Variants in ROS1 observed in about 807,000 individuals in gnomAD.
The protein encoded by ROS1 is proto-oncogene tyrosine-protein kinase ROS.
A neutral mutation model predicts 273.5 loss-of-function variants in ROS1; 263 were observed. The observed-to-expected ratio is 0.96, with a 90% CI of 0.87 to 1.06. The LOEUF is 1.06. Ranked by LOEUF, ROS1 falls within the 50% of genes least tolerant of loss-of-function variation. ROS1 has a pLI of 0.00. For missense variants in ROS1, 2,833 were observed against 2,751.1 expected (o/e 1.03, Z -0.67); for synonymous variants, 1,008 against 954.1 (o/e 1.06, Z -1.04).
At chr6:117,293,864 C>T (rs912254560) in intron 43 of ROS1, among the ~76,000 whole-genome samples, 7 of 152,116 alleles carry the variant, frequency 4.6e-5, no homozygotes, top group Admixed American at 1.3e-4. Context: ...GATAAGAGCA[C>T]GCTAATATCC....
intron 39 of ROS1, among the ~76,000 whole-genome samples, chr6:117,313,242 G>A (rs542059026): frequency 2.2e-4 from 34 of 152,094 alleles, no homozygotes; most frequent in South Asian, 4.2e-4. Flanking sequence ...TGTTTGTTTC[G>A]CTTTTTTCTA....
At chr6:117,314,830 A>G (rs561294293) in intron 39 of ROS1, among the ~76,000 whole-genome samples, 1 of 152,276 alleles carries the variant, frequency 6.6e-6, no homozygotes, top group Admixed American at 6.5e-5. Context: ...CCCCCAGTGG[A>G]AGAGCAGGGT....
At chr6:117,401,286 C>G (rs769080557) in intron 7 of ROS1, among the ~76,000 whole-genome samples, 1 of 152,118 alleles carries the variant, frequency 6.6e-6, no homozygotes, top group Non-Finnish European at 1.5e-5. Flanking sequence ...CATGCATCAG[C>G]CATACTGAAA....
intron 38 of ROS1, 120 bp downstream of exon 38, chr6:117,318,068 C>G: frequency 1.4e-6 from 1 of 728,454 alleles, no homozygotes; most frequent in Non-Finnish European, 2.4e-6. Context: ...TCCATTTAAA[C>G]GTTTCAACCA....
chr6:117,394,720 C>T lies in ROS1; in HGVS notation c.902G>A (p.Trp301Ter). 1 of 1,609,518 alleles carries T rather than the reference C, an allele frequency of 6.2e-7. No individual in the cohort carries two copies. The highest frequency in any genetic ancestry group is 1.1e-5 in the South Asian group (1 of 90,514). The change falls in exon 10 of 44, where the codon TGG becomes TAG. Residue 301 changes from tryptophan to a stop codon, truncating the protein, a stop_gained. Transcript: ENST00000368507. LOFTEE classifies it high-confidence loss of function. ...SSSAVQQEEQ[W>*]LFLSRKTSLR... ...AGAAGTTTTTCTGGATAAAAAGAGC[C>T]ACTGTTCCTCTTGTTGAACTGAAAA...
intron 1 of ROS1, among the ~76,000 whole-genome samples, chr6:117,421,082 A>G (rs1289029966): frequency 2.0e-5 from 3 of 151,374 alleles, no homozygotes; most frequent in Non-Finnish European, 4.4e-5. Flanking sequence ...TAGAAGAAAA[A>G]TTGATAATTT....
At chr6:117,304,660 A>G (rs968644099) in intron 42 of ROS1, among the ~76,000 whole-genome samples, 20 of 152,210 alleles carry the variant, frequency 1.3e-4, no homozygotes, top group Non-Finnish European at 4.4e-5. Flanking sequence ...TCTATGCTGT[A>G]TATGCTACCT....
intron 13 of ROS1, among the ~76,000 whole-genome samples, chr6:117,388,487 C>G (rs1366883455): frequency 6.6e-6 from 1 of 152,174 alleles, no homozygotes; most frequent in Non-Finnish European, 1.5e-5. Context: ...CCAATGTTTT[C>G]TAAATACTTA....
chr6:117,365,463 G>C (rs1427905907), intron 20 of ROS1, 118 bp downstream of exon 20: 5 of 903,388 alleles, frequency 5.5e-6, no homozygotes, highest in African/African-American at 1.7e-5. Flanking sequence ...AAATGCTATG[G>C]GAATGACAAA....
intron 18 of ROS1, among the ~76,000 whole-genome samples, chr6:117,378,634 AGAGATACC>A (rs1346405505): frequency 1.3e-5 from 2 of 152,222 alleles, no homozygotes; most frequent in Non-Finnish European, 2.9e-5. Context: ...TGGAAGATGT[AGAGATACC>A]GACAAGATCA....
intron 43 of ROS1, among the ~76,000 whole-genome samples, chr6:117,292,206 G>A (rs1356689412): frequency 6.6e-6 from 1 of 152,044 alleles, no homozygotes. Flanking sequence ...TTCTGACCTT[G>A]TGATCTGCCC....
At chr6:117,409,466 A>G in intron 5 of ROS1, 116 bp downstream of exon 5, 3 of 742,494 alleles carry the variant, frequency 4.0e-6, no homozygotes. Context: ...GATATTTTTG[A>G]TCATATTGAG....
Position 117,366,113 on chromosome 6 carries a change from C to T in ROS1, c.2760G>A (p.Gln920=), listed in dbSNP as rs1780204616. ...VSVLEPARFN[Q]FTIIQTSLKP... Reference sequence around the variant, plus strand: ...TAAGGGATGTCTGAATAATTGTGAACTGATTAAATCTGGCTGGTTCCAAAA... The same window carrying T: ...TAAGGGATGTCTGAATAATTGTGAATTGATTAAATCTGGCTGGTTCCAAAA... Residue 920 remains glutamine (Q), a synonymous_variant, in exon 19 of 44, where the codon CAG becomes CAA. Transcript: ENST00000368507. The T allele has an allele frequency of 6.2e-7, 1 of 1,614,110 alleles. No homozygotes were observed. The highest frequency in any genetic ancestry group is 8.5e-7 in the Non-Finnish European group (1 of 1,179,982).
In ROS1 at chr6:117,394,706, T is replaced by G. The variant is rs370495498; in HGVS notation, c.916A>C (p.Arg306=). ...GATCTCTTTCTTAGAGAAGTTTTTC[T>G]GGATAAAAAGAGCCACTGTTCCTCT... ...QQEEQWLFLS[R]KTSLRKRSLK... Residue 306 remains arginine, a synonymous_variant, in exon 10 of 44, where the codon AGA becomes CGA. Transcript: ENST00000368507. 9.9e-6 allele frequency: 16 copies of G among 1,611,620 alleles called. No individual in the cohort carries two copies. The highest frequency in any genetic ancestry group is 1.4e-5 in the Non-Finnish European group (16 of 1,179,002).
chr6:117,354,420 G>A (rs1779130346), intron 26 of ROS1, among the ~76,000 whole-genome samples: 1 of 152,018 alleles, frequency 6.6e-6, no homozygotes, highest in African/African-American at 2.4e-5. Context: ...GCTATCATGT[G>A]GAAAGTGATT....
chr6:117,304,504 C>T (rs1190765028), intron 42 of ROS1, among the ~76,000 whole-genome samples: 1 of 152,110 alleles, frequency 6.6e-6, no homozygotes, highest in African/African-American at 2.4e-5. Context: ...TCTATGGTTT[C>T]AGTTAGTTGA....
At chr6:117,402,972 G>C (rs1016603042) in intron 7 of ROS1, among the ~76,000 whole-genome samples, 167 bp downstream of exon 7, 2 of 151,926 alleles carry the variant, frequency 1.3e-5, no homozygotes, top group African/African-American at 4.8e-5. Flanking sequence ...TGATCATAAA[G>C]GTATTGTGAG....
At chr6:117,395,984 T>C (rs1004400201) in intron 9 of ROS1, among the ~76,000 whole-genome samples, 17 of 152,190 alleles carry the variant, frequency 1.1e-4, no homozygotes, top group African/African-American at 3.9e-4. Flanking sequence ...ATTCCCAAAT[T>C]CTAATATCTA....
At position 117,339,175 on chromosome 6, in the gene ROS1, C is replaced by T. The variant is rs539673344; in HGVS notation, c.5062-1835G>A. Among the ~76,000 whole-genome samples, 487 of 152,204 alleles carry T rather than the reference C, an allele frequency of 3.2e-3. 2 individuals carry two copies. The highest frequency in any genetic ancestry group is 0.011 in the African/African-American group (461 of 41,530). Reference sequence around the variant, plus strand: ...CTTTGAATGTAGCCCAACCCAAATTCGTAAACTTTCTTTAAACATTATGAA... The same window carrying T: ...CTTTGAATGTAGCCCAACCCAAATTTGTAAACTTTCTTTAAACATTATGAA... On this transcript the variant is annotated intron_variant, in intron 31 of 43. Coordinates refer to ENST00000368507, the MANE Select transcript of ROS1 (RefSeq NM_001378902.1).
Sources: allele counts gnomAD v4.1 joint callset (sites outside exome capture counted in the v4.1 genomes callset), GRCh38; gene constraint gnomAD v4.1.1; transcripts MANE v1.5; gene names NCBI Gene and HGNC (gene_info 2026-07-23, HGNC 2026-07-21).